CENPA: variants seen among roughly 807,000 people sequenced by gnomAD.
CENPA encodes centromere protein A, also known as histone H3-like centromeric protein A.
A neutral mutation model predicts 17.2 loss-of-function variants in CENPA; 7 were observed. That is an observed-to-expected ratio of 0.41 (90% CI 0.23 to 0.76). CENPA has a LOEUF of 0.76. Among genes scored for constraint, CENPA ranks in the 30% least tolerant of loss-of-function variants. The probability of loss-of-function intolerance (pLI) is 0.34; values close to 1 mark genes in which losing one functional copy is unlikely to be tolerated. For missense variants in CENPA, 149 were observed against 193.1 expected (o/e 0.77, Z 1.35); for synonymous variants, 82 against 77.4 (o/e 1.06, Z -0.31).
chr2:26,787,339 C>T (rs1664526772), intron 1 of CENPA, among the ~76,000 whole-genome samples: 1 of 152,196 alleles, frequency 6.6e-6, no homozygotes, highest in South Asian at 2.1e-4. Flanking sequence ...CCTCAGCCTC[C>T]CGAGTAGCTG....
intron 3 of CENPA, 140 bp from the exon 4 acceptor site, chr2:26,793,005 C>T: frequency 7.6e-7 from 1 of 1,324,464 alleles, no homozygotes; most frequent in African/African-American, 1.5e-5. Context: ...TAGCAGAATT[C>T]CCTGGCAAAG....
At position 26,792,958 on chromosome 2, in the gene CENPA, A is replaced by G; in HGVS notation, c.288+125A>G. 3.2e-6 allele frequency: 4 copies of G among 1,234,810 alleles called. No homozygotes were observed. In the African/African-American group the frequency reaches 4.5e-5, roughly 14 times the overall value. The allele number at this position is 1,234,810 out of a possible 1,614,324, so 76.5% of individuals were successfully genotyped here. A position where few individuals can be genotyped will look rare whatever the true frequency, so the allele number is the denominator to read the frequency against. On this transcript the variant is annotated intron_variant, in intron 3 of 4. Coordinates refer to ENST00000335756, the MANE Select transcript of CENPA (RefSeq NM_001809.4). Reference sequence around the variant, plus strand: ...ACCTCTGGAAAAGAACAATGAGGTAACCTCTGAGGGTTTGGAGGCTGGATT... The same window carrying G: ...ACCTCTGGAAAAGAACAATGAGGTAGCCTCTGAGGGTTTGGAGGCTGGATT...
intron 3 of CENPA, 29 bp downstream of exon 3, chr2:26,792,862 G>A (rs1664646643): frequency 6.2e-7 from 1 of 1,602,000 alleles, no homozygotes; most frequent in Non-Finnish European, 8.6e-7. Context: ...ACAATTGGGT[G>A]AGGGCTGAGT....
intron 1 of CENPA, among the ~76,000 whole-genome samples, chr2:26,787,238 C>T (rs1359723697): frequency 6.6e-6 from 1 of 151,862 alleles, no homozygotes; most frequent in Non-Finnish European, 1.5e-5. Flanking sequence ...GTTTTGGAGA[C>T]GGAGTCAGGC....
rs113792115 is a variant in CENPA at position 26,791,598 on chromosome 2, C to T, written c.101-533C>T. Among the ~76,000 whole-genome samples the T allele has an allele frequency of 2.3e-3, 349 of 152,328 alleles. 2 individuals carry two copies. Among genetic ancestry groups the T allele is most frequent in the Middle Eastern group, 0.01 (3 of 294 alleles). On this transcript the variant is annotated intron_variant, in intron 1 of 4. Transcript: ENST00000335756. Reference sequence around the variant, plus strand: ...GAGGGCTGGCCAACCATCTTCACCTCGCTGGGCCTCAGGATGATCAAGACA... The same window carrying T: ...GAGGGCTGGCCAACCATCTTCACCTTGCTGGGCCTCAGGATGATCAAGACA...
chr2:26,786,440 G>C (rs1664509688), intron 1 of CENPA, 144 bp downstream of exon 1: 1 of 1,154,842 alleles, frequency 8.7e-7, no homozygotes, highest in Admixed American at 4.3e-5. Flanking sequence ...GGGCACGGGC[G>C]GTGCCAGCCC....
rs1664645862 is a variant in CENPA at position 26,792,828 on chromosome 2, C to T, written c.283C>T (p.Gln95Ter). The T allele has an allele frequency of 6.2e-7, 1 of 1,614,042 alleles. No individual in the cohort carries two copies. Among genetic ancestry groups the T allele is most frequent in the Non-Finnish European group, 8.5e-7 (1 of 1,179,920 alleles). The part of the protein sequence containing the change: ...NWQAQALLAL[Q>*]EAAEAFLVHL... ...GCAAGCCCAGGCCCTATTGGCCCTA[C>T]AAGAGGTAAGAAGGCACCAAGGCAC... Residue 95 changes from glutamine to a stop codon, truncating the protein, a stop_gained, in exon 3 of 5, where the codon CAA becomes TAA. Transcript: ENST00000335756. LOFTEE classifies it high-confidence loss of function.
intron 1 of CENPA, among the ~76,000 whole-genome samples, chr2:26,790,800 G>T (rs1419013135): frequency 6.6e-6 from 1 of 151,814 alleles, no homozygotes; most frequent in Non-Finnish European, 1.5e-5. Flanking sequence ...CTCACCCAGG[G>T]ATGGTCTCCT....
chr2:26,786,563 C>T (rs1664511982), intron 1 of CENPA, among the ~76,000 whole-genome samples: 1 of 152,270 alleles, frequency 6.6e-6, no homozygotes, highest in Non-Finnish European at 1.5e-5. Flanking sequence ...CCACCGCCCA[C>T]CGCCAACCAG....
intron 4 of CENPA, 26 bp from the exon 5 acceptor site, chr2:26,793,786 T>A (rs143746195): frequency 6.5e-6 from 1 of 153,224 alleles, no homozygotes; most frequent in South Asian, 2.1e-4. Context: ...AATGGCTTGT[T>A]AGTAAGTGTG....
intron 2 of CENPA, 86 bp from the exon 3 acceptor site, chr2:26,792,669 TG>T: frequency 8.9e-7 from 1 of 1,126,714 alleles, no homozygotes; most frequent in East Asian, 2.3e-5. Flanking sequence ...GAAGATTCAC[TG>T]GAACTCATGG....
rs1163470153 is a variant in CENPA, at chr2:26,793,308, T to C, written c.*29T>C. The stretch of plus-strand genomic sequence containing the variant: ...CCTGCACCCAGTGTTTCTGTCAGTC[T>C]TTCCTGCTCAGCCAGGGGGTAAGCT... On this transcript the variant is annotated 3_prime_UTR_variant, in exon 4 of 5. Coordinates refer to ENST00000335756, the MANE Select transcript of CENPA (RefSeq NM_001809.4). 1 of 1,611,810 alleles carries C rather than the reference T, an allele frequency of 6.2e-7. No homozygotes were observed. The highest frequency in any genetic ancestry group is 1.7e-5 in the Admixed American group (1 of 59,846).
intron 1 of CENPA, among the ~76,000 whole-genome samples, chr2:26,787,364 T>C (rs145186269): frequency 0.026 from 3,907 of 152,086 alleles, 183 homozygotes; most frequent in African/African-American, 0.09. Flanking sequence ...TACAGGCGCC[T>C]ACCACCACGC....
Position 26,792,199 on chromosome 2 carries a change from A to G in CENPA, c.169A>G (p.Ser57Gly). Reference sequence around the variant, plus strand: ...AAAGGAGATCCGAAAGCTTCAGAAGAGCACACACCTCTTGATAAGGAAGCT... The same window carrying G: ...AAAGGAGATCCGAAAGCTTCAGAAGGGCACACACCTCTTGATAAGGAAGCT... The part of the protein sequence containing the change: ...WLKEIRKLQK[S>G]THLLIRKLPF... Residue 57 changes from serine (S) to glycine (G), a missense_variant, in exon 2 of 5, where the codon AGC (serine) becomes GGC (glycine). Ser to Gly is a moderately conservative substitution (Grantham distance 56, BLOSUM62 0). Around this residue, in one of 2 missense-constraint regions of CENPA, gnomAD observed 95 missense variants for 87.5 expected, o/e 1.09. Transcript: ENST00000335756. 1 of 1,613,966 alleles carries G rather than the reference A, an allele frequency of 6.2e-7. No homozygotes were observed. The highest frequency in any genetic ancestry group is 8.5e-7 in the Non-Finnish European group (1 of 1,179,946).
intron 2 of CENPA, 197 bp from the exon 3 acceptor site, chr2:26,792,559 C>G (rs1021497938): frequency 4.2e-6 from 3 of 717,784 alleles, no homozygotes; most frequent in Non-Finnish European, 7.8e-6. Context: ...GTGATTTCCC[C>G]ATCACCAGTA....
intron 3 of CENPA, 87 bp from the exon 4 acceptor site, chr2:26,793,058 C>T: frequency 2.0e-6 from 3 of 1,534,112 alleles, no homozygotes; most frequent in African/African-American, 1.4e-5. Context: ...TCCTTTGAGC[C>T]CTCAGAGATT....
At chr2:26,788,790 C>T (rs758185838) in intron 1 of CENPA, among the ~76,000 whole-genome samples, 3 of 152,210 alleles carry the variant, frequency 2.0e-5, no homozygotes, top group Non-Finnish European at 4.4e-5. Flanking sequence ...ATTCTCCTGC[C>T]TCAGCCTCCC....
chr2:26,792,718 C>T (rs1256795161), intron 2 of CENPA, 38 bp from the exon 3 acceptor site: 1 of 1,521,282 alleles, frequency 6.6e-7, no homozygotes, highest in African/African-American at 1.4e-5. Flanking sequence ...TTCTGTTACT[C>T]CCTACTCCTA....
chr2:26,792,442 C>CT, intron 2 of CENPA: 1 of 709,288 alleles, frequency 1.4e-6, no homozygotes, highest in South Asian at 1.5e-5. Flanking sequence ...CCTCTACTAC[C>CT]TTTTTAAAAC....
Sources: allele counts gnomAD v4.1 joint callset (sites outside exome capture counted in the v4.1 genomes callset), GRCh38; gene constraint gnomAD v4.1.1; regional missense constraint gnomAD v4.1.1; transcripts MANE v1.5; gene names NCBI Gene and HGNC (gene_info 2026-07-23, HGNC 2026-07-21).